The following CAMTA1 variants were observed in gnomAD, a reference collection of about 807,000 sequenced individuals.
The protein encoded by CAMTA1 is calmodulin-binding transcription activator 1.
In CAMTA1, 27 loss-of-function variants were observed where a neutral mutation model predicts 170.9. The ratio of observed to expected loss-of-function variants is 0.16; its 90% CI spans 0.12 to 0.22. The LOEUF is 0.22. Ranked by LOEUF, CAMTA1 falls within the 10% of genes least tolerant of loss-of-function variation. The probability of loss-of-function intolerance (pLI) is 1.00; values close to 1 mark genes in which losing one functional copy is unlikely to be tolerated. For synonymous variants in CAMTA1, 833 were observed against 891.5 expected (o/e 0.93, Z 1.17); for missense variants, 1,619 against 2,217.2 (o/e 0.73, Z 5.42).
chr1:6,937,348 C>T (rs111161884), intron 3 of CAMTA1, among the ~76,000 whole-genome samples: 77 of 23,642 alleles, frequency 3.3e-3, no homozygotes, highest in South Asian at 3.9e-3. Context: ...CACTTACCAC[C>T]ACCGTCATCA....
intron 4 of CAMTA1, among the ~76,000 whole-genome samples, chr1:7,161,113 T>G (rs548556137): frequency 2.6e-5 from 4 of 152,212 alleles, no homozygotes; most frequent in Non-Finnish European, 5.9e-5. Flanking sequence ...TTCCAATACT[T>G]AAAACCTTTT....
chr1:7,670,615 T>C (rs1317809340), intron 9 of CAMTA1, among the ~76,000 whole-genome samples: 1 of 152,208 alleles, frequency 6.6e-6, no homozygotes, highest in Non-Finnish European at 1.5e-5. Flanking sequence ...CACTCCCTCC[T>C]GCCTGGATCT....
chr1:7,128,659 ATT>A (rs753333323), intron 4 of CAMTA1, among the ~76,000 whole-genome samples: 10 of 140,382 alleles, frequency 7.1e-5, no homozygotes, highest in Middle Eastern at 3.4e-3. Context: ...GATTAGCCCT[ATT>A]TTTTTTTTTT....
At chr1:6,809,032 T>A (rs1198736483) in intron 1 of CAMTA1, among the ~76,000 whole-genome samples, 1 of 149,938 alleles carries the variant, frequency 6.7e-6, no homozygotes, top group African/African-American at 2.5e-5. Flanking sequence ...TCTTTTTCTT[T>A]TTTTTTTTTT....
chr1:7,060,800 G>T (rs1339148418), intron 3 of CAMTA1, among the ~76,000 whole-genome samples: 1 of 152,222 alleles, frequency 6.6e-6, no homozygotes, highest in Non-Finnish European at 1.5e-5. Context: ...CATTGAAATT[G>T]TTCAAGAATT....
intron 11 of CAMTA1, among the ~76,000 whole-genome samples, chr1:7,728,585 CAGTCA>C (rs1381126522): frequency 6.6e-6 from 1 of 152,168 alleles, no homozygotes; most frequent in Non-Finnish European, 1.5e-5. Flanking sequence ...GTTTAAAATT[CAGTCA>C]AGTCATTTCA....
At chr1:7,433,204 G>A (rs2092238370) in intron 5 of CAMTA1, among the ~76,000 whole-genome samples, 1 of 152,244 alleles carries the variant, frequency 6.6e-6, no homozygotes, top group Non-Finnish European at 1.5e-5. Flanking sequence ...GCCCTAGCAG[G>A]CTGGTGTTGG....
intron 11 of CAMTA1, among the ~76,000 whole-genome samples, chr1:7,706,113 C>T (rs1054185887): frequency 3.3e-5 from 5 of 152,214 alleles, no homozygotes; most frequent in Admixed American, 3.3e-4. Flanking sequence ...TGCAGACTGT[C>T]TTCTTAATCA....
intron 3 of CAMTA1, among the ~76,000 whole-genome samples, chr1:7,090,182 A>G (rs1433079322): frequency 1.3e-5 from 2 of 152,146 alleles, no homozygotes; most frequent in African/African-American, 4.8e-5. Flanking sequence ...ACTGCATGGC[A>G]TCAGGGGCAT....
intron 4 of CAMTA1, among the ~76,000 whole-genome samples, chr1:7,202,513 A>G (rs1656898771): frequency 6.6e-6 from 1 of 152,194 alleles, no homozygotes; most frequent in African/African-American, 2.4e-5. Context: ...TTTCTGACCC[A>G]TGAACATTGA....
intron 5 of CAMTA1, among the ~76,000 whole-genome samples, chr1:7,337,971 TA>T (rs1433981818): frequency 6.9e-6 from 1 of 145,224 alleles, no homozygotes; most frequent in Non-Finnish European, 1.5e-5. Context: ...TGTATATATA[TA>T]TGTATTATAT....
rs1434953620 is a variant in CAMTA1 at position 7,635,508 on chromosome 1, C to T, written c.511-4892C>T. Reference sequence around the variant, plus strand: ...CCTGTACTCCCAGCTACTCCAGAGGCTGAGGCAGGAGAATGGCGTGAACCC... The same window carrying T: ...CCTGTACTCCCAGCTACTCCAGAGGTTGAGGCAGGAGAATGGCGTGAACCC... On this transcript the variant is annotated intron_variant, in intron 6 of 22. Coordinates refer to ENST00000303635, the MANE Select transcript of CAMTA1 (RefSeq NM_015215.4). The surrounding 1 kb of genome is among the most constrained non-coding windows in gnomAD (Gnocchi z 4.4). 1.3e-5 allele frequency among the ~76,000 whole-genome samples: 2 copies of T among 151,612 alleles called. No individual in the cohort carries two copies. Among genetic ancestry groups the T allele is most frequent in the Non-Finnish European group, 2.9e-5 (2 of 67,988 alleles).
At chr1:6,879,045 CA>C (rs1399556492) in intron 3 of CAMTA1, among the ~76,000 whole-genome samples, 1 of 152,166 alleles carries the variant, frequency 6.6e-6, no homozygotes, top group Non-Finnish European at 1.5e-5. Flanking sequence ...CTTTGCTGAA[CA>C]GTGAATTACC....
At chr1:7,149,390 C>G (rs1646433347) in intron 4 of CAMTA1, among the ~76,000 whole-genome samples, 1 of 152,194 alleles carries the variant, frequency 6.6e-6, no homozygotes, top group Admixed American at 6.5e-5. Context: ...GGACTTTGCT[C>G]ATTTTCTGCC....
At chr1:6,804,753 C>T (rs1391888056) in intron 1 of CAMTA1, among the ~76,000 whole-genome samples, 6 of 151,926 alleles carry the variant, frequency 3.9e-5, no homozygotes, top group African/African-American at 1.2e-4. Flanking sequence ...ATGGGGGTCT[C>T]GCCATGTTGC....
chr1:6,871,456 A>T (rs1436317939), intron 3 of CAMTA1, among the ~76,000 whole-genome samples: 1 of 152,218 alleles, frequency 6.6e-6, no homozygotes, highest in Non-Finnish European at 1.5e-5. Flanking sequence ...TAGATTTCTG[A>T]TATGTTGGCA....
chr1:7,668,426 CACACA>C, intron 9 of CAMTA1, among the ~76,000 whole-genome samples: 1 of 129,028 alleles, frequency 7.8e-6, no homozygotes, highest in East Asian at 2.7e-4. Flanking sequence ...CACACACACA[CACACA>C]CCCACCACAC....
chr1:7,043,879 C>CG (rs1291421922), intron 3 of CAMTA1, among the ~76,000 whole-genome samples: 6 of 152,156 alleles, frequency 3.9e-5, no homozygotes, highest in Non-Finnish European at 8.8e-5. Flanking sequence ...CCCGAGTTGC[C>CG]GGAACACAGA....
chr1:7,148,600 C>T (rs943063153), intron 4 of CAMTA1, among the ~76,000 whole-genome samples: 2 of 152,188 alleles, frequency 1.3e-5, no homozygotes, highest in Non-Finnish European at 2.9e-5. Context: ...GAGTGAGCAC[C>T]AAGGCCCTCC....
Sources: gnomAD v4.1 joint callset for allele counts (sites outside exome capture counted in the v4.1 genomes callset) on GRCh38, gnomAD v4.1.1 for gene constraint, Gnocchi (gnomAD v3.1) non-coding constraint, MANE v1.5 for transcripts, NCBI Gene and HGNC (gene_info 2026-07-23, HGNC 2026-07-21) for gene names.